The following ZNF607 variants were observed in gnomAD, a reference collection of about 807,000 sequenced individuals.
ZNF607 encodes zinc finger protein 607.
A neutral mutation model predicts 12.8 loss-of-function variants in ZNF607; 5 were observed. That is an observed-to-expected ratio of 0.39 (90% confidence interval 0.20 to 0.82). The LOEUF (loss-of-function observed/expected upper bound fraction) is 0.82. Among genes scored for constraint, ZNF607 ranks in the 40% least tolerant of loss-of-function variants. The pLI is 0.39. For synonymous variants in ZNF607, 287 were observed against 276.2 expected (o/e 1.04, Z -0.39); for missense variants, 851 against 859.2 (o/e 0.99, Z 0.12).
chr19:37,697,090 G>A lies in ZNF607; in HGVS notation c.*950C>T, dbSNP rs926486079. 7 of 744,716 alleles carry A rather than the reference G, an allele frequency of 9.4e-6. No homozygotes were observed. Among genetic ancestry groups the A allele is most frequent in the Admixed American group, 3.5e-5 (2 of 57,084 alleles). The allele number at this position is 744,716 out of a possible 1,614,324, so 46.1% of individuals were successfully genotyped here. On this transcript the variant is annotated 3_prime_UTR_variant, in exon 5 of 5. Transcript: ENST00000355202. ...TCCTCTCCAATGCTGGTGAAGATGC[G>A]AGGAAGCTGGCTAGTGATGGGCCGG... is the stretch of plus-strand genomic sequence containing the variant.
intron 3 of ZNF607, among the ~76,000 whole-genome samples, chr19:37,708,370 A>T (rs2045104431): frequency 6.6e-6 from 1 of 151,410 alleles, no homozygotes; most frequent in African/African-American, 2.4e-5. Flanking sequence ...TAATTTTTGT[A>T]TTTTTAGTAG....
intron 4 of ZNF607, among the ~76,000 whole-genome samples, 187 bp downstream of exon 4, chr19:37,707,727 A>G (rs1221218764): frequency 6.6e-6 from 1 of 152,178 alleles, no homozygotes; most frequent in Admixed American, 6.5e-5. Context: ...AGCGTGAGCC[A>G]CAGCGCTGGG....
chr19:37,718,480 GTGTT>G (rs1313593142), intron 1 of ZNF607, among the ~76,000 whole-genome samples: 3 of 152,140 alleles, frequency 2.0e-5, no homozygotes, highest in Non-Finnish European at 4.4e-5. Flanking sequence ...ATTCAAGGCC[GTGTT>G]TGTTAAACAT....
At chr19:37,717,366 T>C (rs1285731729) in intron 1 of ZNF607, among the ~76,000 whole-genome samples, 1 of 151,948 alleles carries the variant, frequency 6.6e-6, no homozygotes, top group Admixed American at 6.6e-5. Flanking sequence ...TTTGTATTTT[T>C]AGTAGAGACG....
Position 37,697,436 on chromosome 19 carries a change from C to G in ZNF607, c.*604G>C, listed in dbSNP as rs568089249. On this transcript the variant is annotated 3_prime_UTR_variant, in exon 5 of 5. Transcript: ENST00000355202. ...CTGCGGGACCCTCTCACACCTGCTT[C>G]CACTCTGACCTCCACATCTAACTCA... 2.4e-3 allele frequency: 2,048 copies of G among 848,504 alleles called. 6 individuals are homozygous for G. The highest frequency in any genetic ancestry group is 3.0e-3 in the Non-Finnish European group (1,533 of 515,122). The allele number at this position is 848,504 out of a possible 1,614,324, so 52.6% of individuals were successfully genotyped here.
In ZNF607 at chr19:37,698,194, A is replaced by G. The variant is rs992876949; in HGVS notation, c.1937T>C (p.Met646Thr). The change falls in exon 5 of 5, where the codon ATG (methionine) becomes ACG (threonine). Residue 646 changes from methionine (M) to threonine (T), a missense_variant. Physicochemically the swap from Met to Thr is moderately conservative, Grantham distance 81 (BLOSUM62 -1). Coordinates refer to ENST00000355202, the MANE Select transcript of ZNF607 (RefSeq NM_032689.5). The part of the protein sequence containing the change: ...ESVHADGNPY[M>T]CEECGKAFNS... ...AAAAGCTTTCCCACACTCTTCACAC[A>G]TATAGGGATTTCCATCAGCATGAAC... 1.9e-6 allele frequency: 3 copies of G among 1,614,064 alleles called. No individual in the cohort carries two copies. In the African/African-American group the frequency reaches 4.0e-5, roughly 22 times the overall value.
chr19:37,716,733 G>C (rs768002287), intron 1 of ZNF607, among the ~76,000 whole-genome samples: 22 of 152,108 alleles, frequency 1.4e-4, no homozygotes, highest in Non-Finnish European at 7.4e-5. Flanking sequence ...CTTAGGGAGT[G>C]AAATTTTTGT....
At position 37,709,725 on chromosome 19, in the gene ZNF607, A is replaced by T; in HGVS notation, c.107T>A (p.Met36Lys). The change falls in exon 3 of 5, where the codon ATG (methionine) becomes AAG (lysine). Residue 36 changes from methionine to lysine, a missense_variant. Met to Lys is a moderately conservative substitution (Grantham distance 95). Transcript: ENST00000355202. ...TGAGACTAAGTTGTCATAGTTCTCCATCATCACCTCCTGGTACAAGGTCTT... is the reference window on the plus strand; with the variant it reads ...TGAGACTAAGTTGTCATAGTTCTCCTTCATCACCTCCTGGTACAAGGTCTT... The part of the protein sequence containing the change: ...VQKTLYQEVM[M>K]ENYDNLVSLA... The T allele has an allele frequency of 1.9e-6, 3 of 1,614,006 alleles. No individual in the cohort carries two copies. Among genetic ancestry groups the T allele is most frequent in the Non-Finnish European group, 2.5e-6 (3 of 1,179,848 alleles).
chr19:37,696,803 T>C lies in ZNF607; in HGVS notation c.*1237A>G, dbSNP rs1166713597. ...GCCTTGGAGTCACCCTCAGCAGAGATGATGGCCGCCTTTTCCACCACAAAT... is the reference window on the plus strand; with the variant it reads ...GCCTTGGAGTCACCCTCAGCAGAGACGATGGCCGCCTTTTCCACCACAAAT... On this transcript the variant is annotated 3_prime_UTR_variant, in exon 5 of 5. Transcript: ENST00000355202. 3.0e-6 allele frequency: 4 copies of C among 1,321,384 alleles called. No individual in the cohort carries two copies. Among genetic ancestry groups the C allele is most frequent in the Non-Finnish European group, 3.2e-6 (3 of 923,330 alleles). 81.9% of individuals were successfully genotyped at this position (1,321,384 alleles called of 1,614,324 possible). A position where few individuals can be genotyped will look rare whatever the true frequency, so the allele number is the denominator to read the frequency against.
chr19:37,715,977 T>A (rs1352388589), intron 1 of ZNF607, among the ~76,000 whole-genome samples: 1 of 152,228 alleles, frequency 6.6e-6, no homozygotes, highest in Non-Finnish European at 1.5e-5. Flanking sequence ...TGTTAAGTTT[T>A]AAATCGCATT....
intron 4 of ZNF607, among the ~76,000 whole-genome samples, chr19:37,705,027 C>A (rs1397716439): frequency 6.6e-6 from 1 of 151,630 alleles, no homozygotes; most frequent in Non-Finnish European, 1.5e-5. Flanking sequence ...GCAAATCAAA[C>A]CCAAAGCAAG....
intron 4 of ZNF607, among the ~76,000 whole-genome samples, chr19:37,703,255 T>C (rs1236480665): frequency 1.4e-5 from 2 of 140,628 alleles, no homozygotes; most frequent in Non-Finnish European, 3.1e-5. Context: ...CACCAACAGG[T>C]AAATTTAAAT....
rs189619051 is a variant in ZNF607 at position 37,704,484 on chromosome 19, C to T, written c.235+3430G>A. Among the ~76,000 whole-genome samples, 372 of 152,210 alleles carry T rather than the reference C, an allele frequency of 2.4e-3. 4 individuals carry two copies. Among genetic ancestry groups the T allele is most frequent in the African/African-American group, 8.5e-3 (353 of 41,550 alleles). On this transcript the variant is annotated intron_variant, in intron 4 of 4. Coordinates refer to ENST00000355202, the MANE Select transcript of ZNF607 (RefSeq NM_032689.5). ...GAAACATCCTTAACTGTTTAGAAAA[C>T]AAACCAACATACTTCTAAATAAACC...
chr19:37,708,611 C>A (rs373479208), intron 3 of ZNF607, among the ~76,000 whole-genome samples: 14 of 150,950 alleles, frequency 9.3e-5, no homozygotes, highest in African/African-American at 3.2e-4. Context: ...CCTTGTAACC[C>A]CAGCACTTTG....
chr19:37,696,853 G>T lies in ZNF607; in HGVS notation c.*1187C>A. On this transcript the variant is annotated 3_prime_UTR_variant, in exon 5 of 5. Coordinates refer to ENST00000355202, the MANE Select transcript of ZNF607 (RefSeq NM_032689.5). The stretch of plus-strand genomic sequence containing the variant: ...TCTGGCGCTCTCTGCTTCCTGGGGG[G>T]CCACCTGTCTGTTAACTCCTTCAAG... 2 of 804,718 alleles carry T rather than the reference G, an allele frequency of 2.5e-6. No homozygotes were observed. Among genetic ancestry groups the T allele is most frequent in the Non-Finnish European group, 2.1e-6 (1 of 473,012 alleles). The allele number at this position is 804,718 out of a possible 1,614,324, so 49.8% of individuals were successfully genotyped here. A position where few individuals can be genotyped will look rare whatever the true frequency, so the allele number is the denominator to read the frequency against.
intron 4 of ZNF607, among the ~76,000 whole-genome samples, chr19:37,702,244 G>A (rs1228994255): frequency 1.1e-4 from 15 of 133,666 alleles, no homozygotes; most frequent in African/African-American, 3.5e-4. Context: ...CAGAGATTGC[G>A]CCATTGCACT....
Sources: allele counts gnomAD v4.1 joint callset (sites outside exome capture counted in the v4.1 genomes callset), GRCh38; gene constraint gnomAD v4.1.1; transcripts MANE v1.5; gene names NCBI Gene and HGNC (gene_info 2026-07-23, HGNC 2026-07-21).